MBOAT1: variants seen among roughly 807,000 people sequenced by gnomAD.
MBOAT1 encodes membrane bound glycerophospholipid O-acyltransferase 1.
MBOAT1 carries 67 observed loss-of-function variants against 64.4 expected under a neutral mutation model. That is an observed-to-expected ratio of 1.04 (90% CI 0.85 to 1.27). MBOAT1 has a LOEUF of 1.27. Among genes scored for constraint, MBOAT1 ranks in the 50% most tolerant of loss-of-function variants. The pLI is 0.00. For missense variants in MBOAT1, 563 were observed against 604.6 expected, an observed-to-expected ratio of 0.93 and a Z score of 0.72; for synonymous variants, 229 against 218.9, an observed-to-expected ratio of 1.05 and a Z score of -0.41.
At chr6:20,129,159 T>C (rs1003977627) in intron 5 of MBOAT1, among the ~76,000 whole-genome samples, 1 of 152,106 alleles carries the variant, frequency 6.6e-6, no homozygotes, top group Non-Finnish European at 1.5e-5. Flanking sequence ...CTGCACTAGG[T>C]GCAGACACTT....
intron 1 of MBOAT1, among the ~76,000 whole-genome samples, chr6:20,168,577 GAA>G (rs1194701516): frequency 2.0e-5 from 2 of 102,344 alleles, no homozygotes; most frequent in African/African-American, 7.9e-5. Flanking sequence ...GAGAGAGAGA[GAA>G]AGAGAGAGAG....
intron 1 of MBOAT1, among the ~76,000 whole-genome samples, chr6:20,163,099 C>T (rs10946363): frequency 0.28 from 43,063 of 151,980 alleles, 6,820 homozygotes; most frequent in East Asian, 0.51. Context: ...AGGTGGAAAA[C>T]GATTGTGCTG....
intron 1 of MBOAT1, among the ~76,000 whole-genome samples, chr6:20,207,773 A>C (rs1763305483): frequency 6.6e-6 from 1 of 152,216 alleles, no homozygotes; most frequent in Non-Finnish European, 1.5e-5. Context: ...GTAAACAGTA[A>C]ATTCTACATG....
At chr6:20,194,241 A>G (rs2113760509) in intron 1 of MBOAT1, among the ~76,000 whole-genome samples, 1 of 152,326 alleles carries the variant, frequency 6.6e-6, no homozygotes. Context: ...TTCCTCTATT[A>G]TTAACATCTT....
At chr6:20,177,763 G>C (rs1400598675) in intron 1 of MBOAT1, among the ~76,000 whole-genome samples, 2 of 119,458 alleles carry the variant, frequency 1.7e-5, no homozygotes, top group East Asian at 2.4e-4. Context: ...AACAGAGTGA[G>C]ACTCCGTCTC....
intron 1 of MBOAT1, among the ~76,000 whole-genome samples, chr6:20,193,162 C>T (rs1238068680): frequency 1.3e-5 from 2 of 151,560 alleles, no homozygotes; most frequent in Admixed American, 6.6e-5. Flanking sequence ...CCCGCCACCG[C>T]GCCCGGCTAA....
intron 1 of MBOAT1, among the ~76,000 whole-genome samples, chr6:20,184,598 A>G (rs1421584902): frequency 6.6e-6 from 1 of 152,038 alleles, no homozygotes; most frequent in Non-Finnish European, 1.5e-5. Context: ...CCCCACAACC[A>G]TCCTCCGCCA....
chr6:20,212,252 T>G lies in MBOAT1; in HGVS notation c.-18A>C. 8 of 1,604,442 alleles carry G rather than the reference T, an allele frequency of 5.0e-6. No homozygotes were observed. Among genetic ancestry groups the G allele is most frequent in the Non-Finnish European group, 6.8e-6 (8 of 1,176,552 alleles). On this transcript the variant is annotated 5_prime_UTR_variant, in exon 1 of 13. Transcript: ENST00000324607. ...GCTGCCATCCTGCATCTTCGGGAGG[T>G]GGCTGCCCCTGTCCCAGCCCGCAAC... is the stretch of plus-strand genomic sequence containing the variant.
chr6:20,199,914 G>A (rs1171019126), intron 1 of MBOAT1, among the ~76,000 whole-genome samples: 1 of 152,288 alleles, frequency 6.6e-6, no homozygotes, highest in East Asian at 1.9e-4. Flanking sequence ...GTTGCAGTGA[G>A]CCAAGATCGT....
At chr6:20,117,035 G>A (rs187165160) in intron 9 of MBOAT1, among the ~76,000 whole-genome samples, 1 of 152,360 alleles carries the variant, frequency 6.6e-6, no homozygotes, top group Admixed American at 6.5e-5. Context: ...CATGTATACT[G>A]TTTTTCCAAA....
chr6:20,207,926 C>T (rs1763309781), intron 1 of MBOAT1, among the ~76,000 whole-genome samples: 3 of 152,198 alleles, frequency 2.0e-5, no homozygotes, highest in Non-Finnish European at 4.4e-5. Flanking sequence ...TATATAAGCC[C>T]TTGCAGGATG....
intron 11 of MBOAT1, 134 bp from the exon 12 acceptor site, chr6:20,109,883 A>T: frequency 1.5e-6 from 1 of 682,388 alleles, no homozygotes. Flanking sequence ...TGTATTTTCG[A>T]CTACAAATAC....
In MBOAT1 at chr6:20,129,212, A is replaced by G. The variant is rs1207672240; in HGVS notation, c.476-459T>C. ...TGGTTGTGGGACATAATGGAAAAAGAAACAGGAGACTTTCCTCTTCCAGAA... is the reference window on the plus strand; with the variant it reads ...TGGTTGTGGGACATAATGGAAAAAGGAACAGGAGACTTTCCTCTTCCAGAA... On this transcript the variant is annotated intron_variant, in intron 5 of 12. Coordinates refer to ENST00000324607, the MANE Select transcript of MBOAT1 (RefSeq NM_001080480.3). Among the ~76,000 whole-genome samples, 4 of 152,368 alleles carry G rather than the reference A, an allele frequency of 2.6e-5. No homozygotes were observed. The East Asian group carries it at 7.7e-4, about 29-fold the overall frequency.
chr6:20,130,107 A>G (rs919310652), intron 5 of MBOAT1, among the ~76,000 whole-genome samples: 2 of 152,236 alleles, frequency 1.3e-5, no homozygotes, highest in African/African-American at 2.4e-5. Context: ...ACATTTAAAA[A>G]AAAGTCAGTC....
chr6:20,111,815 C>CATATATATATACGTATATATACAT (rs201309616), intron 11 of MBOAT1, among the ~76,000 whole-genome samples: 1 of 106,032 alleles, frequency 9.4e-6, no homozygotes, highest in Non-Finnish European at 2.0e-5. Context: ...CATATATATA[C>CATATATATATACGTATATATACAT]ATATATATAC....
intron 1 of MBOAT1, among the ~76,000 whole-genome samples, chr6:20,175,020 G>A (rs1762301241): frequency 6.6e-6 from 1 of 152,154 alleles, no homozygotes; most frequent in Admixed American, 6.5e-5. Context: ...AAGAAAGTTT[G>A]CAGAAAAGCC....
At chr6:20,165,262 G>A (rs182583575) in intron 1 of MBOAT1, among the ~76,000 whole-genome samples, 97 of 152,218 alleles carry the variant, frequency 6.4e-4, no homozygotes, top group African/African-American at 2.2e-3. Flanking sequence ...TCCTGACTCC[G>A]TGGTCCAATC....
chr6:20,155,484 G>A (rs1761650147), intron 1 of MBOAT1, among the ~76,000 whole-genome samples: 1 of 152,126 alleles, frequency 6.6e-6, no homozygotes, highest in Admixed American at 6.5e-5. Context: ...ACATGCTCTG[G>A]GCTTCGATTC....
intron 5 of MBOAT1, among the ~76,000 whole-genome samples, chr6:20,130,207 G>A (rs190743147): frequency 3.3e-5 from 5 of 152,216 alleles, no homozygotes; most frequent in African/African-American, 9.6e-5. Flanking sequence ...GAAATCTTCC[G>A]CCCAGCTGAA....
Sources: gnomAD v4.1 joint callset for allele counts (sites outside exome capture counted in the v4.1 genomes callset) on GRCh38, gnomAD v4.1.1 for gene constraint, MANE v1.5 for transcripts, NCBI Gene and HGNC (gene_info 2026-07-23, HGNC 2026-07-21) for gene names.